Variants in DIMT1 observed in about 807,000 individuals in gnomAD.
DIMT1 encodes dimethyladenosine transferase.
In DIMT1, 36 loss-of-function variants were observed where a neutral mutation model predicts 43.2. That is an observed-to-expected ratio of 0.83 (90% CI 0.64 to 1.10). DIMT1 has a LOEUF of 1.10. Among genes scored for constraint, DIMT1 ranks in the 50% least tolerant of loss-of-function variants. DIMT1 has a pLI of 0.00. For missense variants in DIMT1, 341 were observed against 385.3 expected, an observed-to-expected ratio of 0.88 and a Z score of 0.96; for synonymous variants, 126 against 130.3, an observed-to-expected ratio of 0.97 and a Z score of 0.22.
rs144084766 is a variant in DIMT1, at chr5:62,394,329, G to A, written c.570+155C>T. ...AAAAATACCAAAAAATTAGTCAGGCGTGGTGACGCACACCTCTAGTCCCAG... is the reference window on the plus strand; with the variant it reads ...AAAAATACCAAAAAATTAGTCAGGCATGGTGACGCACACCTCTAGTCCCAG... On this transcript the variant is annotated intron_variant, in intron 7 of 11. Transcript: ENST00000199320. Among the ~76,000 whole-genome samples the A allele has an allele frequency of 2.5e-4, 38 of 152,292 alleles. 1 individual carries two copies. The East Asian group carries it at 7.1e-3, about 29-fold the overall frequency.
At chr5:62,396,151 T>TTTTTTTTTTTTTTTA (rs931809201) in intron 6 of DIMT1, among the ~76,000 whole-genome samples, 2 of 148,184 alleles carry the variant, frequency 1.3e-5, no homozygotes, top group African/African-American at 5.0e-5. Context: ...TTTTTTTTTT[T>TTTTTTTTTTTTTTTA]ACATTATTAA....
At chr5:62,399,039 A>C (rs1742604262) in intron 3 of DIMT1, among the ~76,000 whole-genome samples, 158 bp from the exon 4 acceptor site, 1 of 152,244 alleles carries the variant, frequency 6.6e-6, no homozygotes, top group East Asian at 1.9e-4. Flanking sequence ...TTCAAACAAC[A>C]AACAAAAATG....
rs1041427148 is a variant in DIMT1 at position 62,403,872 on chromosome 5, C to T, written c.-100G>A. On this transcript the variant is annotated 5_prime_UTR_variant, in exon 1 of 12. Transcript: ENST00000199320. ...GTGGGGATCGCCGCCACGCGCCGCC[C>T]GCACCACTCTGGCCCAAGCGCCGGA... 148 of 1,307,308 alleles carry T rather than the reference C, an allele frequency of 1.1e-4. 1 individual carries two copies. The highest frequency in any genetic ancestry group is 4.0e-5 in the Non-Finnish European group (38 of 945,002). The allele number at this position is 1,307,308 out of a possible 1,614,324, so 81.0% of individuals were successfully genotyped here.
In DIMT1 at chr5:62,388,823, A is replaced by G. The variant is rs1051195275; in HGVS notation, c.*187T>C. 36 of 615,782 alleles carry G rather than the reference A, an allele frequency of 5.8e-5. No individual in the cohort carries two copies. Among genetic ancestry groups the G allele is most frequent in the Non-Finnish European group, 9.0e-5 (31 of 345,178 alleles). The allele number at this position is 615,782 out of a possible 1,614,324, so 38.1% of individuals were successfully genotyped here. ...ATTGGACCAGCATTATATATTAAAAACTTTGATACTTAGAACTTTCCAACT... is the reference window on the plus strand; with the variant it reads ...ATTGGACCAGCATTATATATTAAAAGCTTTGATACTTAGAACTTTCCAACT... On this transcript the variant is annotated 3_prime_UTR_variant, in exon 12 of 12. Coordinates refer to ENST00000199320, the MANE Select transcript of DIMT1 (RefSeq NM_014473.4).
At chr5:62,393,121 A>C in intron 8 of DIMT1, 131 bp from the exon 9 acceptor site, 1 of 538,294 alleles carries the variant, frequency 1.9e-6, no homozygotes, top group Non-Finnish European at 3.2e-6. Flanking sequence ...ATGTTCTGTA[A>C]TCTTGATCTG....
chr5:62,391,042 CTT>C lies in DIMT1; in HGVS notation c.793-62_793-61del, dbSNP rs372819795. ...TATCTTTAATGAGGTCACCTTGACT[CTT>C]TTTTTTAGTTCAGTAAGTCATAAAA... On this transcript the variant is annotated intron_variant, in intron 10 of 11. Transcript: ENST00000199320. The C allele has an allele frequency of 5.0e-6, 7 of 1,410,044 alleles. No homozygotes were observed. The African/African-American group carries it at 5.7e-5, about 11-fold the overall frequency. 87.3% of individuals were successfully genotyped at this position (1,410,044 alleles called of 1,614,324 possible). A position where few individuals can be genotyped will look rare whatever the true frequency, so the allele number is the denominator to read the frequency against.
At chr5:62,394,698 G>C (rs1390070829) in intron 6 of DIMT1, 91 bp from the exon 7 acceptor site, 2 of 1,558,242 alleles carry the variant, frequency 1.3e-6, no homozygotes, top group Non-Finnish European at 1.7e-6. Context: ...GAGAGAAATA[G>C]CAAAGCATTG....
chr5:62,389,385 T>C (rs1318064633), intron 11 of DIMT1, among the ~76,000 whole-genome samples: 1 of 149,682 alleles, frequency 6.7e-6, no homozygotes, highest in Non-Finnish European at 1.5e-5. Flanking sequence ...ACTCGGGTGG[T>C]TGAGGCAGGA....
Position 62,390,776 on chromosome 5 carries a change from C to T in DIMT1, c.899+100G>A, listed in dbSNP as rs540502594. On this transcript the variant is annotated intron_variant, in intron 11 of 11. Coordinates refer to ENST00000199320, the MANE Select transcript of DIMT1 (RefSeq NM_014473.4). ...TGGAAGTGCTATGCAATAACTCTCC[C>T]AGGTAGCACCTTATACCGCTTAAAA... 3.2e-6 allele frequency: 3 copies of T among 941,252 alleles called. No individual in the cohort carries two copies. The South Asian group carries it at 4.1e-5, about 13-fold the overall frequency. The allele number at this position is 941,252 out of a possible 1,614,324, so 58.3% of individuals were successfully genotyped here.
intron 11 of DIMT1, among the ~76,000 whole-genome samples, chr5:62,389,535 T>C (rs1036245631): frequency 1.3e-5 from 2 of 149,906 alleles, no homozygotes; most frequent in African/African-American, 4.9e-5. Context: ...TTATAAGATA[T>C]GTATTGGTTA....
intron 6 of DIMT1, among the ~76,000 whole-genome samples, chr5:62,396,246 C>A (rs1347483445): frequency 1.3e-5 from 2 of 150,130 alleles, no homozygotes; most frequent in African/African-American, 4.9e-5. Context: ...ATGGTTCATG[C>A]CTGTAATAAT....
chr5:62,400,444 G>T (rs1742658581), intron 3 of DIMT1, among the ~76,000 whole-genome samples: 1 of 152,168 alleles, frequency 6.6e-6, no homozygotes. Flanking sequence ...ATAGAGACGG[G>T]TCTCTCTATG....
intron 3 of DIMT1, among the ~76,000 whole-genome samples, chr5:62,401,259 G>A (rs1742692784): frequency 6.6e-6 from 1 of 152,172 alleles, no homozygotes; most frequent in South Asian, 2.1e-4. Flanking sequence ...ACTTTGGGAA[G>A]CCAAAGTTGG....
At chr5:62,396,748 A>C (rs1380421310) in intron 6 of DIMT1, among the ~76,000 whole-genome samples, 2 of 152,184 alleles carry the variant, frequency 1.3e-5, no homozygotes, top group Non-Finnish European at 2.9e-5. Context: ...GAAAGTCAGC[A>C]AGCAAAATGC....
At chr5:62,402,870 C>T (rs1742755460) in intron 2 of DIMT1, among the ~76,000 whole-genome samples, 4 of 152,162 alleles carry the variant, frequency 2.6e-5, no homozygotes. Flanking sequence ...ATATGTGGTA[C>T]TAGCATACAC....
intron 7 of DIMT1, among the ~76,000 whole-genome samples, chr5:62,394,260 G>A (rs1466286062): frequency 6.6e-6 from 1 of 152,170 alleles, no homozygotes; most frequent in Non-Finnish European, 1.5e-5. Context: ...GAGCCCAGGA[G>A]TTCAAGACCA....
rs895796326 is a variant in DIMT1 at position 62,388,178 on chromosome 5, T to C, written c.*832A>G. The C allele has an allele frequency of 7.9e-5, 12 of 152,158 alleles. No homozygotes were observed. Among genetic ancestry groups the C allele is most frequent in the Non-Finnish European group, 1.5e-5 (1 of 68,018 alleles). 9.4% of individuals were successfully genotyped at this position (152,158 alleles called of 1,614,324 possible). On this transcript the variant is annotated 3_prime_UTR_variant, in exon 12 of 12. Coordinates refer to ENST00000199320, the MANE Select transcript of DIMT1 (RefSeq NM_014473.4). ...GGAAATTTTAATTGTCCAGAAATCA[T>C]AGGAATACTGGGAACCTGTAGTTAT...
chr5:62,402,677 T>C (rs1742748457), intron 2 of DIMT1, among the ~76,000 whole-genome samples: 1 of 152,206 alleles, frequency 6.6e-6, no homozygotes, highest in Admixed American at 6.5e-5. Flanking sequence ...AGTTTTCAAA[T>C]GACACGAAGC....
At position 62,388,875 on chromosome 5, in the gene DIMT1, C is replaced by G. The variant is rs1262637222; in HGVS notation, c.*135G>C. 3.3e-5 allele frequency: 25 copies of G among 757,456 alleles called. No individual in the cohort carries two copies. The highest frequency in any genetic ancestry group is 5.1e-5 in the Non-Finnish European group (23 of 454,356). The allele number at this position is 757,456 out of a possible 1,614,324, so 46.9% of individuals were successfully genotyped here. A position where few individuals can be genotyped will look rare whatever the true frequency, so the allele number is the denominator to read the frequency against. On this transcript the variant is annotated 3_prime_UTR_variant, in exon 12 of 12. Coordinates refer to ENST00000199320, the MANE Select transcript of DIMT1 (RefSeq NM_014473.4). ...TAAAATTCAGAATCATAAATGGTGA[C>G]AACAGTAGTAGTATTGAACCAAAAA...
Sources: gnomAD v4.1 joint callset for allele counts (sites outside exome capture counted in the v4.1 genomes callset) on GRCh38, gnomAD v4.1.1 for gene constraint, MANE v1.5 for transcripts, NCBI Gene and HGNC (gene_info 2026-07-23, HGNC 2026-07-21) for gene names.